The following GUCY1A2 variants were observed in gnomAD, a reference collection of about 807,000 sequenced individuals.
GUCY1A2 encodes the protein guanylate cyclase 1 soluble subunit alpha 2, also known as guanylate cyclase soluble subunit alpha-2.
In GUCY1A2, 27 loss-of-function variants were observed where a neutral mutation model predicts 63.5. The observed-to-expected ratio is 0.43, with a 90% CI of 0.31 to 0.59. The LOEUF is 0.59. Ranked by LOEUF, GUCY1A2 falls within the 20% of genes least tolerant of loss-of-function variation. GUCY1A2 has a pLI of 0.11. For synonymous variants in GUCY1A2, 364 were observed against 343.5 expected, an observed-to-expected ratio of 1.06 and a Z score of -0.66; for missense variants, 768 against 913.3, an observed-to-expected ratio of 0.84 and a Z score of 2.05.
chr11:106,926,306 T>C (rs901520764), intron 4 of GUCY1A2, among the ~76,000 whole-genome samples: 6 of 151,808 alleles, frequency 4.0e-5, no homozygotes, highest in Non-Finnish European at 8.8e-5. Flanking sequence ...GGCCTAGGGG[T>C]GCACACCTGT....
chr11:106,984,587 C>T (rs538738159), intron 2 of GUCY1A2, among the ~76,000 whole-genome samples: 36 of 152,204 alleles, frequency 2.4e-4, no homozygotes, highest in Non-Finnish European at 1.6e-4. Context: ...TATTTTATTT[C>T]GAAAGCGAAA....
intron 6 of GUCY1A2, among the ~76,000 whole-genome samples, chr11:106,740,648 CTGTATGTATGTATGTATGTA>C (rs6144494): frequency 6.7e-6 from 1 of 148,748 alleles, no homozygotes; most frequent in Admixed American, 6.7e-5. Context: ...GACCATATCA[CTGTATGTATGTATGTATGTA>C]TGTATGTATG....
At chr11:106,721,696 G>T (rs750346352) in intron 6 of GUCY1A2, among the ~76,000 whole-genome samples, 20 of 152,150 alleles carry the variant, frequency 1.3e-4, no homozygotes, top group Non-Finnish European at 2.1e-4. Flanking sequence ...ACTTTTAGGG[G>T]TTAATTATGA....
chr11:106,967,404 A>G (rs985924964), intron 3 of GUCY1A2, among the ~76,000 whole-genome samples: 1 of 152,146 alleles, frequency 6.6e-6, no homozygotes, highest in Non-Finnish European at 1.5e-5. Context: ...AAGTAAAAAA[A>G]TCTAGCAGTA....
intron 4 of GUCY1A2, among the ~76,000 whole-genome samples, chr11:106,841,171 C>T (rs1053124430): frequency 6.6e-6 from 1 of 151,792 alleles, no homozygotes; most frequent in African/African-American, 2.4e-5. Context: ...TGCCCTTCTA[C>T]TAGTACGCCC....
chr11:106,814,745 A>G (rs1253934843), intron 4 of GUCY1A2, among the ~76,000 whole-genome samples: 3 of 152,114 alleles, frequency 2.0e-5, no homozygotes, highest in Non-Finnish European at 4.4e-5. Flanking sequence ...AGTCATTGCA[A>G]CTAAAACCCA....
intron 7 of GUCY1A2, among the ~76,000 whole-genome samples, chr11:106,701,391 T>C (rs1565261922): frequency 6.6e-6 from 1 of 152,002 alleles, no homozygotes; most frequent in Non-Finnish European, 1.5e-5. Context: ...ATCCTGAGTA[T>C]AAAAACAACT....
intron 6 of GUCY1A2, among the ~76,000 whole-genome samples, chr11:106,735,056 A>T (rs998763368): frequency 6.6e-6 from 1 of 152,056 alleles, no homozygotes; most frequent in Non-Finnish European, 1.5e-5. Context: ...AAGTATTTCG[A>T]TACAGGCATA....
At chr11:106,966,399 C>G (rs144961526) in intron 3 of GUCY1A2, among the ~76,000 whole-genome samples, 1 of 152,126 alleles carries the variant, frequency 6.6e-6, no homozygotes, top group South Asian at 2.1e-4. Context: ...TGAGCCACCG[C>G]GCCCGGCCCC....
intron 4 of GUCY1A2, among the ~76,000 whole-genome samples, chr11:106,867,301 C>A (rs1164184391): frequency 6.6e-6 from 1 of 152,054 alleles, no homozygotes; most frequent in Non-Finnish European, 1.5e-5. Flanking sequence ...CCTGCTGTCA[C>A]AATCTCAATC....
intron 6 of GUCY1A2, among the ~76,000 whole-genome samples, chr11:106,709,476 TATTATATATTTA>T (rs1863007352): frequency 1.4e-5 from 1 of 73,786 alleles, no homozygotes; most frequent in Non-Finnish European, 2.2e-5. Context: ...TAATATATAT[TATTATATATTTA>T]TATATATATA....
intron 3 of GUCY1A2, among the ~76,000 whole-genome samples, chr11:106,945,489 C>T (rs1258979521): frequency 6.6e-6 from 1 of 152,120 alleles, no homozygotes; most frequent in Admixed American, 6.5e-5. Flanking sequence ...AAAGTAGACA[C>T]ATTAGTGAGC....
Position 106,939,529 on chromosome 11 carries a change from C to T in GUCY1A2, c.1137G>A (p.Leu379=). 1.2e-6 allele frequency: 2 copies of T among 1,613,874 alleles called. No individual in the cohort carries two copies. Among genetic ancestry groups the T allele is most frequent in the Non-Finnish European group, 1.7e-6 (2 of 1,179,730 alleles). The change falls in exon 4 of 8, where the codon CTG becomes CTA. Residue 379 remains leucine (L), a synonymous_variant. Transcript: ENST00000526355. ...TCACAAACGGGGTAGACAGTCGCAGCAGGACCCTTTCAAAGGTGGCATTAA... is the reference window on the plus strand; with the variant it reads ...TCACAAACGGGGTAGACAGTCGCAGTAGGACCCTTTCAAAGGTGGCATTAA... ...PKVNATFERV[L]LRLSTPFVIR...
chr11:106,884,757 T>C (rs888401308), intron 4 of GUCY1A2, among the ~76,000 whole-genome samples: 2 of 152,170 alleles, frequency 1.3e-5, no homozygotes, highest in Non-Finnish European at 2.9e-5. Context: ...TTCTAGTTTT[T>C]ATAATTTTTA....
At chr11:106,883,438 T>C (rs1859854432) in intron 4 of GUCY1A2, among the ~76,000 whole-genome samples, 1 of 152,110 alleles carries the variant, frequency 6.6e-6, no homozygotes, top group East Asian at 1.9e-4. Context: ...TGATGAACAT[T>C]GTACTGGACA....
chr11:106,811,999 T>C (rs922142657), intron 4 of GUCY1A2, among the ~76,000 whole-genome samples: 1 of 151,972 alleles, frequency 6.6e-6, no homozygotes, highest in African/African-American at 2.4e-5. Context: ...AGGTTATGGT[T>C]TGAGTAAAAA....
Position 106,749,361 on chromosome 11 carries a change from G to T in GUCY1A2, c.1836+27078C>A, listed in dbSNP as rs76936303. On this transcript the variant is annotated intron_variant, in intron 6 of 7. Transcript: ENST00000526355. ...AAATCTATTGTTTTTGGTGCTATTTGGGTGTCAAGTTCTCCTTTGGGCTGC... is the reference window on the plus strand; with the variant it reads ...AAATCTATTGTTTTTGGTGCTATTTTGGTGTCAAGTTCTCCTTTGGGCTGC... Among the ~76,000 whole-genome samples, 56 of 152,120 alleles carry T rather than the reference G, an allele frequency of 3.7e-4. 1 individual carries two copies. In the East Asian group the frequency reaches 0.011, roughly 29 times the overall value.
chr11:106,744,290 A>G (rs957840976), intron 6 of GUCY1A2, among the ~76,000 whole-genome samples: 6 of 131,324 alleles, frequency 4.6e-5, no homozygotes, highest in African/African-American at 1.8e-4. Flanking sequence ...TCTGTCACCC[A>G]GGCTGGAGTG....
At chr11:106,700,644 T>C (rs1197220791) in intron 7 of GUCY1A2, among the ~76,000 whole-genome samples, 1 of 152,204 alleles carries the variant, frequency 6.6e-6, no homozygotes, top group Non-Finnish European at 1.5e-5. Flanking sequence ...TTATATTTCT[T>C]TTGTAAAATA....
Sources: allele counts gnomAD v4.1 joint callset (sites outside exome capture counted in the v4.1 genomes callset), GRCh38; gene constraint gnomAD v4.1.1; transcripts MANE v1.5; gene names NCBI Gene and HGNC (gene_info 2026-07-23, HGNC 2026-07-21).